Variants in CSMD1 observed in about 807,000 individuals in gnomAD.
CSMD1 encodes CUB and Sushi multiple domains 1, also known as CUB and sushi domain-containing protein 1.
A neutral mutation model predicts 417.5 loss-of-function variants in CSMD1; 213 were observed. That is an observed-to-expected ratio of 0.51 (90% CI 0.46 to 0.57). The LOEUF (loss-of-function observed/expected upper bound fraction) is 0.57, where lower values mean the gene tolerates loss of function less well. CSMD1 is among the 20% of genes least tolerant of loss of function. The pLI, the probability that CSMD1 is intolerant of heterozygous loss-of-function variation, is 0.00. For missense variants in CSMD1, 6,923 were observed against 4,529.7 expected, an observed-to-expected ratio of 1.53 and a Z score of -15.17; for synonymous variants, 2,862 against 1,736.8, an observed-to-expected ratio of 1.65 and a Z score of -16.11.
At chr8:3,157,828 C>T in intron 39 of CSMD1, 69 bp downstream of exon 39, 1 of 1,283,860 alleles carries the variant, frequency 7.8e-7, no homozygotes, top group East Asian at 2.5e-5. Flanking sequence ...TCTTTGACCC[C>T]AAGAGTAGAG....
At chr8:3,366,888 C>G (rs35590634) in intron 20 of CSMD1, 144 bp downstream of exon 20, 2 of 703,382 alleles carry the variant, frequency 2.8e-6, no homozygotes, top group East Asian at 2.7e-5. Flanking sequence ...CCTCCTGCAC[C>G]CCATTAGTTG....
At chr8:4,002,201 G>A (rs539328527) in intron 4 of CSMD1, among the ~76,000 whole-genome samples, 1 of 151,374 alleles carries the variant, frequency 6.6e-6, no homozygotes, top group Non-Finnish European at 1.5e-5. Context: ...GTTGGTGCCT[G>A]TGAGTGTGTG....
At position 3,615,786 on chromosome 8, in the gene CSMD1, G is replaced by A. The variant is rs113998544; in HGVS notation, c.1097+924C>T. On this transcript the variant is annotated intron_variant, in intron 8 of 69. Coordinates refer to ENST00000635120, the MANE Select transcript of CSMD1 (RefSeq NM_033225.6). ...GATTTTTTTCAAAAATGGTGACATT[G>A]TAAGAAGGAAAAACACATATCTTGT... Among the ~76,000 whole-genome samples the A allele has an allele frequency of 1.0e-3, 154 of 152,082 alleles. 1 individual carries two copies. Among genetic ancestry groups the A allele is most frequent in the African/African-American group, 3.6e-3 (149 of 41,486 alleles).
rs370011587 is a variant in CSMD1 at position 3,399,449 on chromosome 8, G to A, written c.2347C>T (p.His783Tyr). Residue 783 changes from histidine to tyrosine, a missense_variant, in exon 16 of 70, where the codon CAT (histidine) becomes TAT (tyrosine). Coordinates refer to ENST00000635120, the MANE Select transcript of CSMD1 (RefSeq NM_033225.6). ...GWPGYYKDSL[H>Y]CEWIIEAKPG... ...TTTGCTTCAATTATCCATTCACAAT[G>A]TAAAGAATCCTTATAATATCCTGGC... The A allele has an allele frequency of 1.4e-5, 22 of 1,610,228 alleles. No individual in the cohort carries two copies. In the African/African-American group the frequency reaches 2.7e-4, roughly 20 times the overall value.
At chr8:4,442,188 C>A (rs138955887) in intron 2 of CSMD1, among the ~76,000 whole-genome samples, 3 of 152,162 alleles carry the variant, frequency 2.0e-5, no homozygotes, top group South Asian at 4.1e-4. Context: ...AAGTGACAAT[C>A]TCCTGACAAA....
intron 1 of CSMD1, among the ~76,000 whole-genome samples, chr8:4,729,171 A>C (rs1809685486): frequency 6.6e-6 from 1 of 152,210 alleles, no homozygotes; most frequent in East Asian, 1.9e-4. Flanking sequence ...GACGGGAGAA[A>C]AATCAGAGGT....
At chr8:4,097,712 C>G (rs1273184898) in intron 3 of CSMD1, among the ~76,000 whole-genome samples, 3 of 152,140 alleles carry the variant, frequency 2.0e-5, no homozygotes, top group Admixed American at 1.3e-4. Context: ...AAAGAACATT[C>G]AACATAAGGT....
At chr8:4,434,182 A>G (rs1798023291) in intron 2 of CSMD1, among the ~76,000 whole-genome samples, 1 of 152,160 alleles carries the variant, frequency 6.6e-6, no homozygotes, top group South Asian at 2.1e-4. Flanking sequence ...TACTAAAAAT[A>G]CAGAAATTAT....
intron 57 of CSMD1, 136 bp from the exon 58 acceptor site, chr8:2,966,882 T>C (rs964746298): frequency 9.9e-6 from 7 of 705,888 alleles, no homozygotes; most frequent in East Asian, 2.7e-5. Context: ...CCTATGGAAG[T>C]TCCTTAACAT....
intron 23 of CSMD1, among the ~76,000 whole-genome samples, chr8:3,333,771 A>G (rs1345401343): frequency 2.0e-5 from 3 of 152,220 alleles, no homozygotes; most frequent in Non-Finnish European, 4.4e-5. Context: ...GCTTTGACTC[A>G]ATTTCCTAAA....
Position 2,966,647 on chromosome 8 carries a change from C to T in CSMD1, c.9023G>A (p.Gly3008Asp). Residue 3008 changes from glycine to aspartate, a missense_variant, in exon 58 of 70, where the codon GGC becomes GAC. Transcript: ENST00000635120. ...SSSVIYACWE[G>D]YKTSGLMTRH... ...TGTCATGAGCCCTGAGGTCTTGTAG[C>T]CTTCCCAGCAGGCATAGATGACCGA... 6.2e-7 allele frequency: 1 copy of T among 1,613,724 alleles called. No homozygotes were observed. Among genetic ancestry groups the T allele is most frequent in the Non-Finnish European group, 8.5e-7 (1 of 1,179,766 alleles).
chr8:3,244,371 C>A (rs745435668), intron 26 of CSMD1, among the ~76,000 whole-genome samples: 6 of 152,106 alleles, frequency 3.9e-5, no homozygotes, highest in African/African-American at 9.7e-5. Context: ...AAACCTAGGA[C>A]GTGTCCTCCC....
intron 12 of CSMD1, among the ~76,000 whole-genome samples, chr8:3,454,691 C>T (rs1176195816): frequency 1.3e-5 from 2 of 152,218 alleles, no homozygotes; most frequent in Middle Eastern, 3.2e-3. Context: ...AGCTGTTAGT[C>T]TGATGGGCTT....
chr8:4,896,463 A>T (rs1485440399), intron 1 of CSMD1, among the ~76,000 whole-genome samples: 2 of 152,096 alleles, frequency 1.3e-5, no homozygotes, highest in Non-Finnish European at 2.9e-5. Flanking sequence ...GAAAATGTTG[A>T]AACTCTCAAA....
intron 3 of CSMD1, among the ~76,000 whole-genome samples, chr8:4,377,369 T>C (rs1234980564): frequency 6.6e-6 from 1 of 152,216 alleles, no homozygotes. Context: ...AATGGTTTGC[T>C]TCCTTTTCTT....
rs141675668 is a variant in CSMD1 at position 3,439,249 on chromosome 8, A to G, written c.1561+29463T>C. On this transcript the variant is annotated intron_variant, in intron 12 of 69. Coordinates refer to ENST00000635120, the MANE Select transcript of CSMD1 (RefSeq NM_033225.6). ...CCATCAGCAATGTTTGAGTGACTCAACTTCTCTATTTGAGAGCATTTGGCA... is the reference window on the plus strand; with the variant it reads ...CCATCAGCAATGTTTGAGTGACTCAGCTTCTCTATTTGAGAGCATTTGGCA... 5.6e-3 allele frequency among the ~76,000 whole-genome samples: 760 copies of G among 135,314 alleles called. 14 individuals carry two copies. Among genetic ancestry groups the G allele is most frequent in the African/African-American group, 0.019 (691 of 36,196 alleles). The allele number at this position is 135,314 out of a possible 152,430, so 88.8% of individuals were successfully genotyped here.
chr8:3,125,856 A>T (rs1040344364), intron 41 of CSMD1, among the ~76,000 whole-genome samples: 1 of 152,200 alleles, frequency 6.6e-6, no homozygotes, highest in Non-Finnish European at 1.5e-5. Flanking sequence ...AGATGCCTGT[A>T]ACCCCAGCTA....
chr8:4,214,711 C>G (rs1439046481), intron 3 of CSMD1, among the ~76,000 whole-genome samples: 1 of 152,058 alleles, frequency 6.6e-6, no homozygotes, highest in Non-Finnish European at 1.5e-5. Flanking sequence ...TGGATATAGG[C>G]AAGAGTTCAT....
chr8:3,917,541 T>C (rs1808913519), intron 5 of CSMD1, among the ~76,000 whole-genome samples: 1 of 152,188 alleles, frequency 6.6e-6, no homozygotes, highest in African/African-American at 2.4e-5. Context: ...TTTTATTACC[T>C]GGAATGCCTT....
Sources: allele counts gnomAD v4.1 joint callset (sites outside exome capture counted in the v4.1 genomes callset), GRCh38; gene constraint gnomAD v4.1.1; transcripts MANE v1.5; gene names NCBI Gene and HGNC (gene_info 2026-07-23, HGNC 2026-07-21).